The following F13B variants were observed in gnomAD, a reference collection of about 807,000 sequenced individuals.
F13B encodes the protein TGase.
A neutral mutation model predicts 79.8 loss-of-function variants in F13B; 58 were observed. The ratio of observed to expected loss-of-function variants is 0.73; its 90% CI spans 0.59 to 0.90. The LOEUF (loss-of-function observed/expected upper bound fraction) is 0.90, where lower values mean the gene tolerates loss of function less well. Ranked by LOEUF, F13B falls within the 40% of genes least tolerant of loss-of-function variation. The pLI, the probability that F13B is intolerant of heterozygous loss-of-function variation, is 0.00. For synonymous variants in F13B, 283 were observed against 260.3 expected (o/e 1.09, Z -0.84); for missense variants, 773 against 777.0 (o/e 0.99, Z 0.06).
At position 197,060,370 on chromosome 1, in the gene F13B, G is replaced by C; in HGVS notation, c.801C>G (p.Cys267Trp). The change falls in exon 5 of 12, where the codon TGC (cysteine) becomes TGG (tryptophan). Residue 267 changes from cysteine (C) to tryptophan (W), a missense_variant. Transcript: ENST00000367412. ...NFGWYPESPV[C>W]EGRRNRCPPP... is the part of the protein sequence containing the mutation. ...GTATTAAATTTAAAAATTTACCTTC[G>C]CATACAGGAGATTCTGGGTACCAAC... 6.2e-7 allele frequency: 1 copy of C among 1,609,722 alleles called. No homozygotes were observed. The highest frequency in any genetic ancestry group is 8.5e-7 in the Non-Finnish European group (1 of 1,176,694).
chr1:197,052,560 TATAA>T, intron 9 of F13B, 70 bp downstream of exon 9: 3 of 955,954 alleles, frequency 3.1e-6, no homozygotes, highest in Non-Finnish European at 4.8e-6. Flanking sequence ...AGCAACAAAC[TATAA>T]ATAAATTTTC....
intron 10 of F13B, among the ~76,000 whole-genome samples, chr1:197,044,176 C>T (rs1453895050): frequency 1.3e-5 from 2 of 152,098 alleles, no homozygotes. Flanking sequence ...TGACCAAATA[C>T]TGTGCTTTTC....
chr1:197,044,720 A>C (rs1655166694), intron 10 of F13B, among the ~76,000 whole-genome samples: 1 of 152,282 alleles, frequency 6.6e-6, no homozygotes, highest in African/African-American at 2.4e-5. Context: ...TCTCAGCACC[A>C]CACTGCACTT....
intron 5 of F13B, among the ~76,000 whole-genome samples, chr1:197,058,232 C>T (rs982301059): frequency 1.3e-5 from 2 of 152,266 alleles, no homozygotes; most frequent in African/African-American, 4.8e-5. Flanking sequence ...CAAACTAAAA[C>T]TTATGAAGTA....
intron 5 of F13B, among the ~76,000 whole-genome samples, chr1:197,058,968 C>T (rs966411484): frequency 6.6e-6 from 1 of 152,116 alleles, no homozygotes; most frequent in African/African-American, 2.4e-5. Flanking sequence ...TGAAGTAGCA[C>T]TTTGAGAGGC....
At position 197,062,940 on chromosome 1, in the gene F13B, G is replaced by A. The variant is rs1447128343; in HGVS notation, c.182C>T (p.Ala61Val). 6.2e-7 allele frequency: 1 copy of A among 1,613,718 alleles called. No individual in the cohort carries two copies. The highest frequency in any genetic ancestry group is 8.5e-7 in the Non-Finnish European group (1 of 1,179,838). ...TCTTCCACTTTCAGTGGTATAACCA[G>A]CCAAGCAGAAAAATGACAATTTTTT... ...IDKKLSFFCLAGYTTESGRQE... is the reference protein window; with the variant it reads ...IDKKLSFFCLVGYTTESGRQE... Residue 61 changes from alanine to valine, a missense_variant, in exon 2 of 12, where the codon GCT (alanine) becomes GTT (valine). Ala to Val is a moderately conservative substitution (Grantham distance 64). Transcript: ENST00000367412.
rs1228266249 is a variant in F13B at position 197,050,900 on chromosome 1, G to T, written c.1556-21C>A. The T allele has an allele frequency of 3.1e-6, 5 of 1,595,468 alleles. No individual in the cohort carries two copies. The African/African-American group carries it at 5.4e-5, about 17-fold the overall frequency. On this transcript the variant is annotated intron_variant, in intron 9 of 11. Transcript: ENST00000367412. ...AGATTCTGCAAAAATAAGTTTTAAA[G>T]TATACAATGAATTGCTATAATGAAC...
chr1:197,046,822 C>T (rs1204675853), intron 10 of F13B, among the ~76,000 whole-genome samples: 2 of 152,030 alleles, frequency 1.3e-5, no homozygotes, highest in African/African-American at 4.8e-5. Context: ...ATATATAGAC[C>T]AATGGAACAG....
chr1:197,040,355 T>C, intron 11 of F13B, 167 bp downstream of exon 11: 1 of 593,668 alleles, frequency 1.7e-6, no homozygotes, highest in Non-Finnish European at 3.0e-6. Flanking sequence ...TTGAATTGAT[T>C]ACCACTTCCA....
chr1:197,057,090 T>G lies in F13B; in HGVS notation c.1094A>C (p.Lys365Thr). The part of the protein sequence containing the change: ...YNGDKVTYAC[K>T]SGYLLHGSNE... ...CGATCCATGGAGAAGGTAGCCGCTT[T>G]TACATGCATATGTCACTTTATCCCC... The change falls in exon 7 of 12, where the codon AAA becomes ACA. Residue 365 changes from lysine (K) to threonine (T), a missense_variant. Lys to Thr is a moderately conservative substitution (Grantham distance 78). Transcript: ENST00000367412. The G allele has an allele frequency of 6.2e-7, 1 of 1,613,858 alleles. No homozygotes were observed. The highest frequency in any genetic ancestry group is 8.5e-7 in the Non-Finnish European group (1 of 1,179,902).
intron 10 of F13B, among the ~76,000 whole-genome samples, chr1:197,047,617 TTG>T (rs1407671004): frequency 6.6e-5 from 10 of 152,180 alleles, no homozygotes; most frequent in African/African-American, 2.2e-4. Flanking sequence ...GAAATACCAT[TTG>T]ACCTAGTGAT....
intron 8 of F13B, among the ~76,000 whole-genome samples, chr1:197,054,118 A>G (rs1267020871): frequency 2.0e-5 from 3 of 152,138 alleles, no homozygotes; most frequent in Non-Finnish European, 4.4e-5. Flanking sequence ...TGCCCTGATA[A>G]CAATGATTAA....
At chr1:197,062,750 T>G in intron 2 of F13B, 107 bp downstream of exon 2, 1 of 1,003,798 alleles carries the variant, frequency 1.0e-6, no homozygotes, top group East Asian at 2.4e-5. Context: ...GATTTTGTTC[T>G]TATCTACTAA....
At chr1:197,044,678 T>C (rs1373438696) in intron 10 of F13B, among the ~76,000 whole-genome samples, 1 of 151,966 alleles carries the variant, frequency 6.6e-6, no homozygotes, top group East Asian at 1.9e-4. Context: ...TCTGCATAAC[T>C]CTCCACTCCA....
chr1:197,058,780 G>C (rs1221407697), intron 5 of F13B, among the ~76,000 whole-genome samples: 1 of 152,090 alleles, frequency 6.6e-6, no homozygotes, highest in African/African-American at 2.4e-5. Flanking sequence ...TATATTTTGG[G>C]AGGAGTAAGA....
intron 3 of F13B, among the ~76,000 whole-genome samples, chr1:197,061,408 A>G (rs1159632888): frequency 1.3e-5 from 2 of 152,126 alleles, no homozygotes; most frequent in Admixed American, 6.6e-5. Context: ...GTATACATAT[A>G]TTTAAATTAT....
At chr1:197,050,922 G>T in intron 9 of F13B, 43 bp from the exon 10 acceptor site, 1 of 1,492,012 alleles carries the variant, frequency 6.7e-7, no homozygotes, top group South Asian at 1.1e-5. Context: ...TTGCTATAAT[G>T]AACATCCAGT....
intron 10 of F13B, among the ~76,000 whole-genome samples, chr1:197,048,257 A>G (rs1013845359): frequency 1.3e-5 from 2 of 151,884 alleles, no homozygotes; most frequent in African/African-American, 4.8e-5. Flanking sequence ...GAAAGTTGGT[A>G]GGGTTGGTAG....
rs573017738 is a variant in F13B, at chr1:197,039,839, C to A, written c.1953-428G>T. ...TGTAGTTCATACAGTTCATTGTTTG[C>A]ATTTTTTAAAACAGGACCACATGCA... On this transcript the variant is annotated intron_variant, in intron 11 of 11. Coordinates refer to ENST00000367412, the MANE Select transcript of F13B (RefSeq NM_001994.3). 2.6e-5 allele frequency among the ~76,000 whole-genome samples: 4 copies of A among 152,040 alleles called. No homozygotes were observed. The South Asian group carries it at 8.3e-4, about 31-fold the overall frequency.
Sources: gnomAD v4.1 joint callset for allele counts (sites outside exome capture counted in the v4.1 genomes callset) on GRCh38, gnomAD v4.1.1 for gene constraint, MANE v1.5 for transcripts, NCBI Gene and HGNC (gene_info 2026-07-23, HGNC 2026-07-21) for gene names.